TBCD: variants seen among roughly 807,000 people sequenced by gnomAD.
TBCD encodes the protein tubulin folding cofactor D, also known as tubulin-specific chaperone D.
Under a neutral mutation model 169.3 loss-of-function variants are expected in TBCD, and 105 were observed. The observed-to-expected ratio is 0.62, with a 90% CI of 0.53 to 0.73. The LOEUF is 0.73. Ranked by LOEUF, TBCD falls within the 30% of genes least tolerant of loss-of-function variation. TBCD has a pLI of 0.00. For synonymous variants in TBCD, 700 were observed against 643.9 expected, an observed-to-expected ratio of 1.09 and a Z score of -1.32; for missense variants, 1,444 against 1,600.1, an observed-to-expected ratio of 0.90 and a Z score of 1.66.
At chr17:82,882,760 G>A (rs1165650047) in intron 14 of TBCD, among the ~76,000 whole-genome samples, 1 of 152,204 alleles carries the variant, frequency 6.6e-6, no homozygotes, top group Non-Finnish European at 1.5e-5. Flanking sequence ...TGTGAAACCG[G>A]AGAGCAAGGC....
At position 82,814,904 on chromosome 17, in the gene TBCD, G is replaced by A; in HGVS notation, c.1288G>A (p.Gly430Ser). The A allele has an allele frequency of 6.2e-7, 1 of 1,613,160 alleles. No homozygotes were observed. The highest frequency in any genetic ancestry group is 8.5e-7 in the Non-Finnish European group (1 of 1,179,588). The change falls in exon 13 of 39, where the codon GGC becomes AGC. Residue 430 changes from glycine (G) to serine (S), a missense_variant. Physicochemically the swap from Gly to Ser is moderately conservative, Grantham distance 56. Transcript: ENST00000355528. Reference sequence around the variant, plus strand: ...GGCGCTGGCAGAGCTGGGCAGGAGAGGCCTGTTGCTGCCGTCTCGACTCGT... The same window carrying A: ...GGCGCTGGCAGAGCTGGGCAGGAGAAGCCTGTTGCTGCCGTCTCGACTCGT... Reference protein sequence around the residue: ...CLALAELGRRGLLLPSRLVDV... With the variant: ...CLALAELGRRSLLLPSRLVDV...
chr17:82,901,995 G>A (rs1232311964), intron 18 of TBCD, among the ~76,000 whole-genome samples: 1 of 152,120 alleles, frequency 6.6e-6, no homozygotes, highest in African/African-American at 2.4e-5. Context: ...GGACTCTCCA[G>A]CTGGTACATA....
chr17:82,860,449 G>A (rs1160467645), intron 13 of TBCD: 23 of 985,272 alleles, frequency 2.3e-5, no homozygotes, highest in Non-Finnish European at 2.8e-5. Flanking sequence ...AAGGAACCAC[G>A]GTGGGTTTCA....
rs1417390808 is a variant in TBCD, at chr17:82,889,917, A to G, written c.1563+220A>G. On this transcript the variant is annotated intron_variant, in intron 16 of 38. Transcript: ENST00000355528. This position sits in a 1 kb window ranked among gnomAD's most constrained non-coding sequence, Gnocchi z 5.3. ...AGTAATTTACACACACAGGCCGGAA[A>G]GCTGTGCTTTACACGTTGCCAAGAG... Among the ~76,000 whole-genome samples the G allele has an allele frequency of 6.6e-6, 1 of 152,274 alleles. No homozygotes were observed. Among genetic ancestry groups the G allele is most frequent in the Admixed American group, 6.5e-5 (1 of 15,288 alleles).
At chr17:82,910,823 T>C (rs1427129519) in intron 22 of TBCD, among the ~76,000 whole-genome samples, 1 of 152,178 alleles carries the variant, frequency 6.6e-6, no homozygotes. Context: ...GCCTCGGCCT[T>C]CCACAGTGCT....
chr17:82,932,579 C>T, intron 33 of TBCD, 79 bp from the exon 34 acceptor site: 1 of 1,175,774 alleles, frequency 8.5e-7, no homozygotes. Flanking sequence ...CACTGGGATC[C>T]TGCTGACTCT....
intron 12 of TBCD, among the ~76,000 whole-genome samples, chr17:82,813,528 C>T (rs1027219535): frequency 6.6e-6 from 1 of 152,150 alleles, no homozygotes; most frequent in African/African-American, 2.4e-5. Context: ...GACGGCATCC[C>T]CTGGACCCTG....
At position 82,859,119 on chromosome 17, in the gene TBCD, C is replaced by T. The variant is rs540997505; in HGVS notation, c.1319-11105C>T. Among the ~76,000 whole-genome samples, 44 of 151,506 alleles carry T rather than the reference C, an allele frequency of 2.9e-4. No homozygotes were observed. The East Asian group carries it at 7.8e-3, about 27-fold the overall frequency. Reference sequence around the variant, plus strand: ...GAGTCTCGTGGGTCATCCGGCCTGCCGGCTCTGTGTCCTCCCTACACTGAC... The same window carrying T: ...GAGTCTCGTGGGTCATCCGGCCTGCTGGCTCTGTGTCCTCCCTACACTGAC... On this transcript the variant is annotated intron_variant, in intron 13 of 38. Transcript: ENST00000355528.
chr17:82,871,461 C>G (rs1464181077), intron 14 of TBCD, among the ~76,000 whole-genome samples: 1 of 152,206 alleles, frequency 6.6e-6, no homozygotes, highest in Non-Finnish European at 1.5e-5. Context: ...GTTTCACACC[C>G]GCACTTCACC....
At chr17:82,758,396 A>AAT (rs1555672609) in intron 2 of TBCD, among the ~76,000 whole-genome samples, 7 of 123,106 alleles carry the variant, frequency 5.7e-5, no homozygotes, top group South Asian at 6.6e-4. Flanking sequence ...AAAAAAAAAA[A>AAT]AAAAAAATAA....
At chr17:82,778,717 A>C (rs1598446597) in intron 6 of TBCD, among the ~76,000 whole-genome samples, 1 of 100,576 alleles carries the variant, frequency 9.9e-6, no homozygotes, top group East Asian at 2.7e-4. Context: ...ACTGGAGTGC[A>C]ATGGCGTGAT....
intron 6 of TBCD, among the ~76,000 whole-genome samples, chr17:82,778,879 C>T (rs571227178): frequency 6.6e-6 from 1 of 152,254 alleles, no homozygotes; most frequent in East Asian, 1.9e-4. Context: ...CCAGGGTGGT[C>T]TCAAACTCCT....
In TBCD at chr17:82,758,396, A is replaced by AAATAAAT. The variant is rs1555672607; in HGVS notation, c.235+2183_235+2184insTAAATAA. ...CGAAAACGTCTCGGAAAAAAAAAAA[A>AAATAAAT]AAAAAAATAAATAAATAAATAAATT... On this transcript the variant is annotated intron_variant, in intron 2 of 38. Transcript: ENST00000355528. Among the ~76,000 whole-genome samples the AAATAAAT allele has an allele frequency of 6.3e-3, 772 of 123,160 alleles. 15 individuals are homozygous for AAATAAAT. The highest frequency in any genetic ancestry group is 0.02 in the African/African-American group (745 of 36,372). 80.8% of individuals were successfully genotyped at this position (123,160 alleles called of 152,430 possible). A position where few individuals can be genotyped will look rare whatever the true frequency, so the allele number is the denominator to read the frequency against.
At chr17:82,819,885 G>A (rs1014772825) in intron 13 of TBCD, among the ~76,000 whole-genome samples, 5 of 152,120 alleles carry the variant, frequency 3.3e-5, no homozygotes, top group African/African-American at 1.2e-4. Flanking sequence ...CTCACCATGA[G>A]TAAGCTCCTA....
intron 1 of TBCD, among the ~76,000 whole-genome samples, 157 bp from the exon 2 acceptor site, chr17:82,756,008 G>T (rs991288407): frequency 3.0e-4 from 46 of 152,116 alleles, no homozygotes; most frequent in Non-Finnish European, 5.3e-4. Flanking sequence ...CAGGTGGCCT[G>T]TGTGGCCTCC....
At chr17:82,801,170 C>T (rs562346468) in intron 9 of TBCD, among the ~76,000 whole-genome samples, 174 bp downstream of exon 9, 4 of 151,628 alleles carry the variant, frequency 2.6e-5, no homozygotes, top group Non-Finnish European at 4.4e-5. Flanking sequence ...GGGAGGCAGG[C>T]GCCTTGGTTC....
chr17:82,836,778 A>G (rs1212504512), intron 13 of TBCD, among the ~76,000 whole-genome samples: 1 of 152,250 alleles, frequency 6.6e-6, no homozygotes, highest in African/African-American at 2.4e-5. Context: ...CAAAAGCTTT[A>G]CAACAGGCAG....
chr17:82,940,453 T>C (rs1279610544), intron 37 of TBCD, among the ~76,000 whole-genome samples: 1 of 152,188 alleles, frequency 6.6e-6, no homozygotes, highest in Non-Finnish European at 1.5e-5. Flanking sequence ...CCACGCCCCT[T>C]GTTGAATCCA....
intron 13 of TBCD, among the ~76,000 whole-genome samples, chr17:82,822,029 C>T (rs895647925): frequency 3.9e-5 from 6 of 152,194 alleles, no homozygotes; most frequent in South Asian, 2.1e-4. Context: ...CGTCTTACGA[C>T]GATGTTGCTG....
Sources: allele counts gnomAD v4.1 joint callset (sites outside exome capture counted in the v4.1 genomes callset), GRCh38; gene constraint gnomAD v4.1.1; non-coding constraint Gnocchi (gnomAD v3.1); transcripts MANE v1.5; gene names NCBI Gene and HGNC (gene_info 2026-07-23, HGNC 2026-07-21).